MS4A4E: variants seen among roughly 807,000 people sequenced by gnomAD.
The protein encoded by MS4A4E is membrane spanning 4-domains A4E, also known as putative membrane-spanning 4-domains subfamily A member 4E.
MS4A4E carries 23 observed loss-of-function variants against 13.3 expected under a neutral mutation model. The ratio of observed to expected loss-of-function variants is 1.73; its 90% CI spans 1.25 to 2.45. MS4A4E has a LOEUF of 2.45. Ranked by LOEUF, MS4A4E falls within the 30% of genes most tolerant of loss-of-function variation. MS4A4E has a pLI of 0.00. For missense variants in MS4A4E, 144 were observed against 131.2 expected (o/e 1.10, Z -0.48); for synonymous variants, 36 against 45.6 (o/e 0.79, Z 0.85).
In MS4A4E at chr11:60,205,749, C is replaced by T. The variant is rs2084030894; in HGVS notation, c.555G>A (p.Lys185=). 6.6e-6 allele frequency among the ~76,000 whole-genome samples: 1 copy of T among 152,208 alleles called. No homozygotes were observed. Among genetic ancestry groups the T allele is most frequent in the African/African-American group, 2.4e-5 (1 of 41,460 alleles). Residue 185 remains lysine (K), a synonymous_variant, in exon 7 of 9, where the codon AAG becomes AAA. Transcript: ENST00000651255. ...TACTGTCGACATCAACATTTAGTCT[C>T]TTTCCATCATATTGCATCTGAATAG... is the stretch of plus-strand genomic sequence containing the variant. ...LLSIQMQYDG[K]RLNVDVDSTV... is the part of the protein sequence containing the mutation.
chr11:60,218,294 A>T (rs528670418), intron 3 of MS4A4E, among the ~76,000 whole-genome samples: 47 of 152,206 alleles, frequency 3.1e-4, no homozygotes, highest in African/African-American at 1.1e-3. Context: ...TAGCAATTTT[A>T]ATTTCACCCC....
intron 8 of MS4A4E, among the ~76,000 whole-genome samples, 93 bp downstream of exon 8, chr11:60,204,797 T>C (rs2084020330): frequency 6.6e-6 from 1 of 152,224 alleles, no homozygotes. Flanking sequence ...ATAAGAGACA[T>C]AGAACATCTA....
At chr11:60,242,523 G>T (rs548768824) in intron 1 of MS4A4E, among the ~76,000 whole-genome samples, 2 of 152,160 alleles carry the variant, frequency 1.3e-5, no homozygotes, top group Non-Finnish European at 2.9e-5. Context: ...AATTCTGCAC[G>T]TGCTAGATCT....
chr11:60,203,225 TTAA>T (rs1275282479), intron 8 of MS4A4E, among the ~76,000 whole-genome samples: 1 of 152,242 alleles, frequency 6.6e-6, no homozygotes, highest in Non-Finnish European at 1.5e-5. Context: ...TTTATATTGT[TTAA>T]TAATTCTTTA....
At chr11:60,225,020 T>C in intron 3 of MS4A4E, 2 of 1,552,172 alleles carry the variant, frequency 1.3e-6, no homozygotes, top group Non-Finnish European at 1.7e-6. Flanking sequence ...ATGTTCTTCA[T>C]AAGAACTAAA....
At chr11:60,239,967 T>C (rs2084528620) in intron 1 of MS4A4E, among the ~76,000 whole-genome samples, 1 of 152,262 alleles carries the variant, frequency 6.6e-6, no homozygotes, top group African/African-American at 2.4e-5. Flanking sequence ...TTTGATCATT[T>C]ATCAAATTGT....
At chr11:60,226,647 T>C (rs1466875320) in intron 3 of MS4A4E, among the ~76,000 whole-genome samples, 1 of 152,282 alleles carries the variant, frequency 6.6e-6, no homozygotes, top group Middle Eastern at 3.4e-3. Context: ...TTTAGGTTGA[T>C]AAAGAATATT....
chr11:60,231,910 A>C (rs1332529516), intron 1 of MS4A4E, among the ~76,000 whole-genome samples: 2 of 152,198 alleles, frequency 1.3e-5, no homozygotes, highest in Non-Finnish European at 2.9e-5. Context: ...TCACATATAG[A>C]ATATGTAAAA....
At chr11:60,206,959 C>T (rs568740172) in intron 6 of MS4A4E, among the ~76,000 whole-genome samples, 1 of 152,238 alleles carries the variant, frequency 6.6e-6, no homozygotes, top group South Asian at 2.1e-4. Context: ...ATGACCACTG[C>T]CCTGGTCTCG....
chr11:60,225,924 A>C (rs1281547839), intron 3 of MS4A4E, among the ~76,000 whole-genome samples: 1 of 151,920 alleles, frequency 6.6e-6, no homozygotes, highest in Non-Finnish European at 1.5e-5. Flanking sequence ...AGCCAGTCTA[A>C]GAGAAAGAGA....
chr11:60,202,156 A>G (rs898739745), intron 8 of MS4A4E, among the ~76,000 whole-genome samples: 2 of 152,210 alleles, frequency 1.3e-5, no homozygotes, highest in Non-Finnish European at 2.9e-5. Flanking sequence ...ATCACTAAGC[A>G]GACAGAGAAT....
At chr11:60,232,673 C>T (rs2084427544) in intron 1 of MS4A4E, among the ~76,000 whole-genome samples, 1 of 152,022 alleles carries the variant, frequency 6.6e-6, no homozygotes, top group Non-Finnish European at 1.5e-5. Flanking sequence ...AGAGGAGGAG[C>T]TGACACTGTG....
chr11:60,207,979 T>C (rs946813706), intron 6 of MS4A4E, among the ~76,000 whole-genome samples: 1 of 152,204 alleles, frequency 6.6e-6, no homozygotes, highest in Non-Finnish European at 1.5e-5. Flanking sequence ...CCAAGTACTT[T>C]TGGGGACCTC....
At chr11:60,227,599 T>C (rs1455523510) in intron 3 of MS4A4E, among the ~76,000 whole-genome samples, 1 of 151,990 alleles carries the variant, frequency 6.6e-6, no homozygotes. Flanking sequence ...ATTGATAAAC[T>C]GACTCTAAAG....
rs752457642 is a variant in MS4A4E at position 60,225,079 on chromosome 11, C to G, written c.178+3515G>C. 3.9e-6 allele frequency: 6 copies of G among 1,555,054 alleles called. No individual in the cohort carries two copies. In the South Asian group the frequency reaches 7.1e-5, roughly 18 times the overall value. On this transcript the variant is annotated intron_variant, in intron 3 of 8. Transcript: ENST00000651255. ...CCATGCTAAGGCTCATCAAGGCAAT[C>G]AGAATCCGCACAACCTAGAAATGAT...
chr11:60,222,304 C>T (rs2084279480), intron 3 of MS4A4E, among the ~76,000 whole-genome samples: 1 of 152,194 alleles, frequency 6.6e-6, no homozygotes, highest in Non-Finnish European at 1.5e-5. Context: ...TCCCACATAG[C>T]ATTGCCTCTG....
At chr11:60,224,179 T>G (rs2084313023) in intron 3 of MS4A4E, among the ~76,000 whole-genome samples, 3 of 152,188 alleles carry the variant, frequency 2.0e-5, no homozygotes, top group Non-Finnish European at 4.4e-5. Context: ...TACTTTCAAT[T>G]TGCATCAAAA....
rs2083980104 is a variant in MS4A4E at position 60,201,091 on chromosome 11, A to C, written c.*452T>G. Among the ~76,000 whole-genome samples, 1 of 118,116 alleles carries C rather than the reference A, an allele frequency of 8.5e-6. No individual in the cohort carries two copies. The highest frequency in any genetic ancestry group is 3.3e-5 in the African/African-American group (1 of 30,764). 77.5% of individuals were successfully genotyped at this position (118,116 alleles called of 152,430 possible). On this transcript the variant is annotated 3_prime_UTR_variant, in exon 9 of 9. Transcript: ENST00000651255. ...GCTGAACCCCCCACCTCCCTCCCGG[A>C]CGGGGCGGCTGGCCGGGCGGGGTCT...
chr11:60,216,287 A>G (rs1379373100), intron 3 of MS4A4E, among the ~76,000 whole-genome samples: 1 of 152,180 alleles, frequency 6.6e-6, no homozygotes, highest in Non-Finnish European at 1.5e-5. Context: ...GTGGAAGGCT[A>G]AAACCATGTA....
Sources: allele counts gnomAD v4.1 joint callset (sites outside exome capture counted in the v4.1 genomes callset), GRCh38; gene constraint gnomAD v4.1.1; transcripts MANE v1.5; gene names NCBI Gene and HGNC (gene_info 2026-07-23, HGNC 2026-07-21).